Variants in PEX5L observed in about 807,000 individuals in gnomAD.
The protein encoded by PEX5L is PEX5-related protein.
In PEX5L, 30 loss-of-function variants were observed where a neutral mutation model predicts 84.0. That is an observed-to-expected ratio of 0.36 (90% CI 0.27 to 0.48). The LOEUF is 0.48. Among genes scored for constraint, PEX5L ranks in the 20% least tolerant of loss-of-function variants. The probability of loss-of-function intolerance (pLI) is 0.99; values close to 1 mark genes in which losing one functional copy is unlikely to be tolerated. For missense variants in PEX5L, 533 were observed against 754.6 expected (o/e 0.71, Z 3.44); for synonymous variants, 270 against 283.1 (o/e 0.95, Z 0.46).
intron 1 of PEX5L, among the ~76,000 whole-genome samples, chr3:180,014,785 G>A (rs1789799693): frequency 6.6e-6 from 1 of 151,238 alleles, no homozygotes. Flanking sequence ...TTTTCTAGCA[G>A]AGGAACAAAG....
At chr3:179,840,828 C>T (rs1036264849) in intron 8 of PEX5L, among the ~76,000 whole-genome samples, 2 of 151,910 alleles carry the variant, frequency 1.3e-5, no homozygotes, top group Non-Finnish European at 2.9e-5. Context: ...TAGGAACTGG[C>T]GTGAGACGGA....
At chr3:179,860,202 C>T (rs1360290836) in intron 7 of PEX5L, among the ~76,000 whole-genome samples, 1 of 152,240 alleles carries the variant, frequency 6.6e-6, no homozygotes, top group South Asian at 2.1e-4. Context: ...CTTTTGTACT[C>T]CCCATGCCCA....
chr3:179,845,242 T>C (rs192551192), intron 8 of PEX5L, among the ~76,000 whole-genome samples: 3 of 152,344 alleles, frequency 2.0e-5, no homozygotes, highest in African/African-American at 7.2e-5. Flanking sequence ...ATTCATTTTT[T>C]ACTCTTTTGA....
chr3:179,844,844 AC>A (rs2108366441), intron 8 of PEX5L, among the ~76,000 whole-genome samples: 1 of 152,262 alleles, frequency 6.6e-6, no homozygotes. Flanking sequence ...ACAAAACAAA[AC>A]AAAAAATATT....
At chr3:180,026,130 ATTC>A (rs1290398074) in intron 1 of PEX5L, among the ~76,000 whole-genome samples, 1 of 103,276 alleles carries the variant, frequency 9.7e-6, no homozygotes, top group Non-Finnish European at 1.9e-5. Context: ...GCCTTTCAGC[ATTC>A]TTTTTTTTTT....
intron 1 of PEX5L, among the ~76,000 whole-genome samples, chr3:180,009,074 G>A (rs1196178766): frequency 1.3e-5 from 2 of 152,060 alleles, no homozygotes; most frequent in Non-Finnish European, 2.9e-5. Context: ...TTGGTTAAAG[G>A]CCAGTTTTAA....
intron 2 of PEX5L, chr3:179,901,908 T>C (rs1221867898): frequency 1.3e-5 from 2 of 152,166 alleles, no homozygotes; most frequent in African/African-American, 4.8e-5. Context: ...TCCACTTATT[T>C]CCGTTTTTAA....
intron 13 of PEX5L, 141 bp from the exon 14 acceptor site, chr3:179,807,972 T>A: frequency 1.4e-6 from 1 of 736,532 alleles, no homozygotes; most frequent in Non-Finnish European, 2.1e-6. Context: ...GGTGAATTAC[T>A]AAAAAATCTT....
At chr3:179,833,613 G>C (rs1305950406) in intron 8 of PEX5L, among the ~76,000 whole-genome samples, 1 of 152,098 alleles carries the variant, frequency 6.6e-6, no homozygotes, top group East Asian at 1.9e-4. Context: ...GAAATAGAAG[G>C]TCAGTGATTC....
intron 1 of PEX5L, among the ~76,000 whole-genome samples, chr3:179,989,773 C>A (rs1787212582): frequency 6.6e-6 from 1 of 152,048 alleles, no homozygotes; most frequent in African/African-American, 2.4e-5. Context: ...AGAGTAGTCA[C>A]CTAAAAGAAT....
At chr3:179,922,341 C>A (rs1330635315) in intron 2 of PEX5L, among the ~76,000 whole-genome samples, 1 of 152,166 alleles carries the variant, frequency 6.6e-6, no homozygotes, top group Non-Finnish European at 1.5e-5. Flanking sequence ...GAAGAGACAA[C>A]AGCAGGATGT....
rs115526494 is a variant in PEX5L at position 180,002,880 on chromosome 3, G to A, written c.22-31215C>T. On this transcript the variant is annotated intron_variant, in intron 1 of 14. Transcript: ENST00000467460. Reference sequence around the variant, plus strand: ...ACAGTAAATAATCTTGCTAAATCAGGAAACAATTGCAATAACACAAATTGT... The same window carrying A: ...ACAGTAAATAATCTTGCTAAATCAGAAAACAATTGCAATAACACAAATTGT... Among the ~76,000 whole-genome samples the A allele has an allele frequency of 8.7e-3, 1,327 of 152,114 alleles. 23 individuals carry two copies. The highest frequency in any genetic ancestry group is 0.031 in the African/African-American group (1,272 of 41,522).
rs1472555680 is a variant in PEX5L at position 179,795,531 on chromosome 3, T to TA, written c.*6296dup. The TA allele has an allele frequency of 6.6e-6, 1 of 152,216 alleles. No individual in the cohort carries two copies. Among genetic ancestry groups the TA allele is most frequent in the African/African-American group, 2.4e-5 (1 of 41,456 alleles). The allele number at this position is 152,216 out of a possible 1,614,324, so 9.4% of individuals were successfully genotyped here. ...ACATATTATTTCACTAAATCACTGA[T>TA]ACAGTATCACATAATATGCCAATCA... is the stretch of plus-strand genomic sequence containing the variant. On this transcript the variant is annotated 3_prime_UTR_variant, in exon 15 of 15. Coordinates refer to ENST00000467460, the MANE Select transcript of PEX5L (RefSeq NM_016559.3).
intron 11 of PEX5L, among the ~76,000 whole-genome samples, chr3:179,810,002 C>CTTTTTTT (rs35662193): frequency 1.8e-4 from 8 of 45,306 alleles, no homozygotes; most frequent in East Asian, 2.0e-3. Flanking sequence ...TTTAATGCTG[C>CTTTTTTT]TTTTTTTTTT....
In PEX5L at chr3:179,801,123, A is replaced by C. The variant is rs1718742225; in HGVS notation, c.*705T>G. 1 of 152,654 alleles carries C rather than the reference A, an allele frequency of 6.6e-6. No homozygotes were observed. The highest frequency in any genetic ancestry group is 2.4e-5 in the African/African-American group (1 of 41,450). 9.5% of individuals were successfully genotyped at this position (152,654 alleles called of 1,614,324 possible). A position where few individuals can be genotyped will look rare whatever the true frequency, so the allele number is the denominator to read the frequency against. The stretch of plus-strand genomic sequence containing the variant: ...TGATCTAGTGAGGCTGAGTTCTTAA[A>C]TCTTTCACCCCCAAGTTAAAAATTG... On this transcript the variant is annotated 3_prime_UTR_variant, in exon 15 of 15. Transcript: ENST00000467460.
chr3:179,973,971 G>A (rs1003408784), intron 1 of PEX5L: 24 of 985,240 alleles, frequency 2.4e-5, no homozygotes, highest in Non-Finnish European at 2.9e-5. Context: ...ATAACCCCGG[G>A]GGGATTAATC....
intron 3 of PEX5L, among the ~76,000 whole-genome samples, chr3:179,897,469 T>C (rs916377559): frequency 5.9e-5 from 9 of 152,108 alleles, no homozygotes; most frequent in African/African-American, 1.9e-4. Context: ...CACATGTCTT[T>C]GCATACAAAT....
intron 1 of PEX5L, among the ~76,000 whole-genome samples, chr3:180,016,722 C>A (rs543237222): frequency 3.9e-5 from 6 of 152,254 alleles, no homozygotes; most frequent in Non-Finnish European, 7.4e-5. Flanking sequence ...GATTTTATTA[C>A]CTTTCTGATG....
chr3:179,821,998 C>T (rs1728695241), intron 8 of PEX5L, among the ~76,000 whole-genome samples: 3 of 152,084 alleles, frequency 2.0e-5, no homozygotes, highest in Admixed American at 2.0e-4. Flanking sequence ...AATATCTTTC[C>T]TTTTTTTAAT....
Sources: allele counts gnomAD v4.1 joint callset (sites outside exome capture counted in the v4.1 genomes callset), GRCh38; gene constraint gnomAD v4.1.1; transcripts MANE v1.5; gene names NCBI Gene and HGNC (gene_info 2026-07-23, HGNC 2026-07-21).